The following OXR1 variants were observed in gnomAD, a reference collection of about 807,000 sequenced individuals.
OXR1 encodes the protein oxidation resistance protein 1.
In OXR1, 41 loss-of-function variants were observed where a neutral mutation model predicts 104.6. The observed-to-expected ratio is 0.39, with a 90% CI of 0.31 to 0.51. OXR1 has a LOEUF of 0.51. Ranked by LOEUF, OXR1 falls within the 20% of genes least tolerant of loss-of-function variation. The pLI is 0.77. For synonymous variants in OXR1, 348 were observed against 348.4 expected (o/e 1.00, Z 0.01); for missense variants, 955 against 1,031.9 (o/e 0.93, Z 1.02).
At position 106,326,055 on chromosome 8, in the gene OXR1, A is replaced by T. The variant is rs182470352; in HGVS notation, c.-138-33421A>T. The stretch of plus-strand genomic sequence containing the variant: ...CCCTAGATACCAAGTATATAAAGTC[A>T]GTTGCTTTGCTGTCTTTGGAATTAT... On this transcript the variant is annotated intron_variant, in intron 1 of 16. Transcript: ENST00000517566. 1.1e-3 allele frequency among the ~76,000 whole-genome samples: 169 copies of T among 152,340 alleles called. 1 individual carries two copies. The highest frequency in any genetic ancestry group is 3.8e-3 in the African/African-American group (157 of 41,586).
intron 11 of OXR1, among the ~76,000 whole-genome samples, chr8:106,720,213 C>A (rs1045635773): frequency 6.6e-6 from 1 of 152,166 alleles, no homozygotes; most frequent in African/African-American, 2.4e-5. Context: ...TCAACTTTGG[C>A]GGAACCTTTG....
intron 3 of OXR1, among the ~76,000 whole-genome samples, chr8:106,614,089 G>A (rs1821008599): frequency 6.6e-6 from 1 of 152,148 alleles, no homozygotes; most frequent in Non-Finnish European, 1.5e-5. Context: ...ATTAGCAAAA[G>A]TGCTTTTATA....
At chr8:106,408,575 T>G (rs1313446127) in intron 2 of OXR1, among the ~76,000 whole-genome samples, 1 of 152,190 alleles carries the variant, frequency 6.6e-6, no homozygotes, top group African/African-American at 2.4e-5. Flanking sequence ...CAAACTAATA[T>G]CTCACTGGTG....
At position 106,284,102 on chromosome 8, in the gene OXR1, C is replaced by T. The variant is rs576058491; in HGVS notation, c.-139+13735C>T. ...GGGATACAATAAGGGGTAAAGCAAA[C>T]ATGGCCCATGCTTTCATGGAGCTAA... is the stretch of plus-strand genomic sequence containing the variant. On this transcript the variant is annotated intron_variant, in intron 1 of 16. Coordinates refer to ENST00000517566, the MANE Select transcript of OXR1 (RefSeq NM_001198533.2). Among the ~76,000 whole-genome samples, 241 of 152,072 alleles carry T rather than the reference C, an allele frequency of 1.6e-3. 1 individual carries two copies. Among genetic ancestry groups the T allele is most frequent in the Non-Finnish European group, 2.2e-3 (148 of 68,006 alleles).
intron 10 of OXR1, 150 bp downstream of exon 10, chr8:106,710,940 C>A: frequency 2.2e-6 from 1 of 463,934 alleles, no homozygotes; most frequent in Non-Finnish European, 3.6e-6. Flanking sequence ...TTTGCCCCTA[C>A]TTTATAATTT....
intron 2 of OXR1, among the ~76,000 whole-genome samples, chr8:106,498,679 G>A (rs1418549974): frequency 6.6e-6 from 1 of 152,136 alleles, no homozygotes; most frequent in Non-Finnish European, 1.5e-5. Flanking sequence ...GCTTGTAAGT[G>A]CATGTGTGTG....
At chr8:106,524,987 T>C (rs1813548346) in intron 3 of OXR1, among the ~76,000 whole-genome samples, 2 of 152,196 alleles carry the variant, frequency 1.3e-5, no homozygotes, top group African/African-American at 2.4e-5. Context: ...TTTCTTGTGT[T>C]GGCATGTCTG....
chr8:106,564,748 A>G (rs2130518367), intron 3 of OXR1, among the ~76,000 whole-genome samples: 1 of 152,350 alleles, frequency 6.6e-6, no homozygotes, highest in Non-Finnish European at 1.5e-5. Context: ...AATCCTGGCA[A>G]ACTGAATCCA....
chr8:106,651,157 G>T (rs991743863), intron 3 of OXR1, among the ~76,000 whole-genome samples: 1 of 152,140 alleles, frequency 6.6e-6, no homozygotes. Context: ...TCCCCTACTA[G>T]TAATATATGA....
chr8:106,392,216 A>G (rs1563751670), intron 2 of OXR1, among the ~76,000 whole-genome samples: 1 of 152,162 alleles, frequency 6.6e-6, no homozygotes, highest in Non-Finnish European at 1.5e-5. Flanking sequence ...TTTCTTGTAC[A>G]TAGGAAATCC....
chr8:106,568,747 A>G (rs552704546), intron 3 of OXR1, among the ~76,000 whole-genome samples: 47 of 152,266 alleles, frequency 3.1e-4, no homozygotes, highest in African/African-American at 1.1e-3. Flanking sequence ...GCTATTGTAT[A>G]TCCCAATTTT....
At chr8:106,326,492 G>A (rs1156592485) in intron 1 of OXR1, among the ~76,000 whole-genome samples, 3 of 151,116 alleles carry the variant, frequency 2.0e-5, no homozygotes, top group Non-Finnish European at 4.4e-5. Flanking sequence ...GATAGAAAAA[G>A]AATAAAGTAA....
chr8:106,303,248 C>CTTTTTTTTTTTTTTT (rs1164596413), intron 1 of OXR1, among the ~76,000 whole-genome samples: 4 of 92,364 alleles, frequency 4.3e-5, no homozygotes, highest in Admixed American at 1.3e-4. Context: ...TTTTTTCTTT[C>CTTTTTTTTTTTTTTT]TTTTTTTTTT....
At chr8:106,405,346 A>T (rs1465264618) in intron 2 of OXR1, among the ~76,000 whole-genome samples, 1 of 151,564 alleles carries the variant, frequency 6.6e-6, no homozygotes, top group Admixed American at 6.6e-5. Flanking sequence ...AGAACTAGAG[A>T]GCTGATGGTA....
chr8:106,533,291 T>C lies in OXR1; in HGVS notation c.220+14152T>C, dbSNP rs546402329. Among the ~76,000 whole-genome samples, 5 of 152,354 alleles carry C rather than the reference T, an allele frequency of 3.3e-5. No individual in the cohort carries two copies. In the South Asian group the frequency reaches 1.0e-3, roughly 32 times the overall value. On this transcript the variant is annotated intron_variant, in intron 3 of 16. Transcript: ENST00000517566. ...TATAATCCAATAAATTTGTTAATTC[T>C]TAGCCTCTGCTAGTAATTAGGAAAA...
chr8:106,593,372 A>G (rs1819254813), intron 3 of OXR1, among the ~76,000 whole-genome samples: 1 of 152,250 alleles, frequency 6.6e-6, no homozygotes, highest in Non-Finnish European at 1.5e-5. Flanking sequence ...TATCATATAA[A>G]ATAGTGGATC....
chr8:106,447,362 A>G (rs1420746179), intron 2 of OXR1, among the ~76,000 whole-genome samples: 1 of 152,202 alleles, frequency 6.6e-6, no homozygotes, highest in East Asian at 1.9e-4. Context: ...GGAGGGAAGT[A>G]TGGTAAAGTG....
chr8:106,606,668 T>C (rs1465569687), intron 3 of OXR1, among the ~76,000 whole-genome samples: 1 of 152,030 alleles, frequency 6.6e-6, no homozygotes, highest in Non-Finnish European at 1.5e-5. Flanking sequence ...CACTTGGACC[T>C]TTTTGATTAC....
chr8:106,310,230 CTTTT>C (rs10573304), intron 1 of OXR1, among the ~76,000 whole-genome samples: 13 of 142,388 alleles, frequency 9.1e-5, no homozygotes, highest in African/African-American at 2.8e-4. Flanking sequence ...TTCCTGTGAC[CTTTT>C]TTTTTTTTTT....
Sources: allele counts gnomAD v4.1 joint callset (sites outside exome capture counted in the v4.1 genomes callset), GRCh38; gene constraint gnomAD v4.1.1; transcripts MANE v1.5; gene names NCBI Gene and HGNC (gene_info 2026-07-23, HGNC 2026-07-21).